GSG1L: variants seen among roughly 807,000 people sequenced by gnomAD.
GSG1L encodes the protein GSG1 like.
A neutral mutation model predicts 42.1 loss-of-function variants in GSG1L; 24 were observed. The observed-to-expected ratio is 0.57, with a 90% confidence interval of 0.41 to 0.80. The LOEUF (loss-of-function observed/expected upper bound fraction) is 0.80, where lower values mean the gene tolerates loss of function less well. Ranked by LOEUF, GSG1L falls within the 30% of genes least tolerant of loss-of-function variation. The pLI is 0.00. For synonymous variants in GSG1L, 215 were observed against 203.5 expected (o/e 1.06, Z -0.48); for missense variants, 445 against 472.2 (o/e 0.94, Z 0.53).
In GSG1L at chr16:28,060,362, C is replaced by G. The variant is rs2086327398; in HGVS notation, c.349+2714G>C. ...GATTTTGGCACTGTAGGATCAGCTG[C>G]AGAAACCACCCCAGCTGGCTCCGAT... On this transcript the variant is annotated intron_variant, in intron 1 of 6. Coordinates refer to ENST00000447459, the MANE Select transcript of GSG1L (RefSeq NM_001109763.2). 2.0e-5 allele frequency among the ~76,000 whole-genome samples: 3 copies of G among 152,112 alleles called. No individual in the cohort carries two copies. The South Asian group carries it at 6.2e-4, about 32-fold the overall frequency.
intron 2 of GSG1L, among the ~76,000 whole-genome samples, chr16:27,903,544 G>A (rs1457561224): frequency 6.6e-6 from 1 of 152,202 alleles, no homozygotes; most frequent in Non-Finnish European, 1.5e-5. Context: ...GGGGGCTGCA[G>A]AACGCCCACC....
intron 2 of GSG1L, among the ~76,000 whole-genome samples, chr16:27,939,706 T>C (rs1344592530): frequency 6.6e-6 from 1 of 152,176 alleles, no homozygotes; most frequent in African/African-American, 2.4e-5. Context: ...TCTCCCCATA[T>C]GCCATACGAA....
At chr16:27,963,915 C>T (rs1190833791) in intron 1 of GSG1L, among the ~76,000 whole-genome samples, 1 of 152,080 alleles carries the variant, frequency 6.6e-6, no homozygotes, top group Non-Finnish European at 1.5e-5. Flanking sequence ...TGATAAGTCA[C>T]TGAAAGAGAG....
intron 4 of GSG1L, among the ~76,000 whole-genome samples, 170 bp downstream of exon 4, chr16:27,844,780 G>A (rs1467181133): frequency 6.6e-6 from 1 of 152,114 alleles, no homozygotes; most frequent in African/African-American, 2.4e-5. Flanking sequence ...GCCCTAGTTT[G>A]CCAATCCCTG....
At chr16:27,959,602 G>A (rs945141199) in intron 2 of GSG1L, among the ~76,000 whole-genome samples, 8 of 151,596 alleles carry the variant, frequency 5.3e-5, no homozygotes, top group African/African-American at 1.9e-4. Flanking sequence ...GAGAAAGGAA[G>A]AAAGAAAGAA....
At chr16:27,867,995 A>G (rs1403818941) in intron 3 of GSG1L, among the ~76,000 whole-genome samples, 1 of 152,236 alleles carries the variant, frequency 6.6e-6, no homozygotes, top group East Asian at 1.9e-4. Flanking sequence ...GCCAGAAACC[A>G]GCAGTTCCTC....
chr16:27,907,394 T>A (rs2084332355), intron 2 of GSG1L, among the ~76,000 whole-genome samples: 1 of 152,216 alleles, frequency 6.6e-6, no homozygotes, highest in South Asian at 2.1e-4. Flanking sequence ...TGAAATGAGT[T>A]TTCTTTCTTT....
Position 27,844,845 on chromosome 16 carries a change from T to TTCCC in GSG1L, c.662+104_662+105insGGGA. ...CAGCCCCTCCAACTCTCCCCATTTC[T>TTCCC]CCTCCCCCCCACCGCCCCCCACCCC... On this transcript the variant is annotated intron_variant, in intron 4 of 6. Coordinates refer to ENST00000447459, the MANE Select transcript of GSG1L (RefSeq NM_001109763.2). 2 of 208,158 alleles carry TTCCC rather than the reference T, an allele frequency of 9.6e-6. 1 individual carries two copies. Among genetic ancestry groups the TTCCC allele is most frequent in the Non-Finnish European group, 2.0e-5 (2 of 97,800 alleles). The allele number at this position is 208,158 out of a possible 1,614,324, so 12.9% of individuals were successfully genotyped here. A position where few individuals can be genotyped will look rare whatever the true frequency, so the allele number is the denominator to read the frequency against.
At chr16:27,870,587 C>T (rs2083807468) in intron 3 of GSG1L, among the ~76,000 whole-genome samples, 1 of 151,514 alleles carries the variant, frequency 6.6e-6, no homozygotes, top group Non-Finnish European at 1.5e-5. Context: ...TCTTCCCTTC[C>T]CCGCCCTCCT....
chr16:27,837,852 C>T (rs1304835210), intron 4 of GSG1L, among the ~76,000 whole-genome samples: 2 of 144,522 alleles, frequency 1.4e-5, no homozygotes, highest in Non-Finnish European at 3.0e-5. Context: ...TTTAGTTGGG[C>T]CTTTTTTTTT....
At chr16:27,833,331 AT>A (rs571345125) in intron 4 of GSG1L, among the ~76,000 whole-genome samples, 21 of 148,042 alleles carry the variant, frequency 1.4e-4, no homozygotes, top group South Asian at 4.3e-4. Flanking sequence ...TGAGTTCTCT[AT>A]TTTTTTTTTC....
chr16:27,947,383 A>G (rs111443454), intron 2 of GSG1L, among the ~76,000 whole-genome samples: 2 of 90,132 alleles, frequency 2.2e-5, no homozygotes, highest in African/African-American at 8.1e-5. Context: ...AGAAAGAAAG[A>G]AAAAGAAAGA....
At chr16:28,050,876 A>G (rs1044724615) in intron 1 of GSG1L, among the ~76,000 whole-genome samples, 8 of 152,186 alleles carry the variant, frequency 5.3e-5, no homozygotes, top group African/African-American at 1.9e-4. Flanking sequence ...TGCAAGCTCC[A>G]TAAGACAAGG....
chr16:27,791,532 C>T, intron 6 of GSG1L, 65 bp from the exon 7 acceptor site: 1 of 1,060,188 alleles, frequency 9.4e-7, no homozygotes, highest in Non-Finnish European at 1.3e-6. Context: ...TGTCTACCCA[C>T]CGCCCCCCAC....
intron 1 of GSG1L, among the ~76,000 whole-genome samples, chr16:27,994,698 T>C (rs1001530490): frequency 2.6e-5 from 4 of 152,182 alleles, no homozygotes; most frequent in East Asian, 1.9e-4. Flanking sequence ...AAAAAAATCA[T>C]AGTAGAAGAT....
At chr16:28,023,896 G>C (rs565225743) in intron 1 of GSG1L, among the ~76,000 whole-genome samples, 172 of 152,178 alleles carry the variant, frequency 1.1e-3, no homozygotes, top group Non-Finnish European at 1.9e-3. Flanking sequence ...CAGGTGTGGG[G>C]GTGCTTGCCT....
chr16:27,864,393 T>C (rs948598303), intron 3 of GSG1L, among the ~76,000 whole-genome samples: 1 of 152,206 alleles, frequency 6.6e-6, no homozygotes, highest in Non-Finnish European at 1.5e-5. Context: ...AAATCCACTA[T>C]GAACACTATG....
At position 27,994,686 on chromosome 16, in the gene GSG1L, TA is replaced by T. The variant is rs199714036; in HGVS notation, c.350-31484del. Among the ~76,000 whole-genome samples, 21 of 152,006 alleles carry T rather than the reference TA, an allele frequency of 1.4e-4. No individual in the cohort carries two copies. In the South Asian group the frequency reaches 3.1e-3, roughly 23 times the overall value. On this transcript the variant is annotated intron_variant, in intron 1 of 6. Coordinates refer to ENST00000447459, the MANE Select transcript of GSG1L (RefSeq NM_001109763.2). ...TTTTTGTAAGAAGACTGTGAGTCAA[TA>T]AAAAAAATCATAGTAGAAGATGAAT...
chr16:27,878,018 G>A (rs1423750688), intron 3 of GSG1L, among the ~76,000 whole-genome samples: 2 of 152,084 alleles, frequency 1.3e-5, no homozygotes, highest in Non-Finnish European at 2.9e-5. Flanking sequence ...ACATGTGGCA[G>A]GCTTACCCCA....
Sources: gnomAD v4.1 joint callset for allele counts (sites outside exome capture counted in the v4.1 genomes callset) on GRCh38, gnomAD v4.1.1 for gene constraint, MANE v1.5 for transcripts, NCBI Gene and HGNC (gene_info 2026-07-23, HGNC 2026-07-21) for gene names.